The following MARCHF3 variants were observed in gnomAD, a reference collection of about 807,000 sequenced individuals.
MARCHF3 encodes E3 ubiquitin-protein ligase MARCHF3.
In MARCHF3, 13 loss-of-function variants were observed where a neutral mutation model predicts 24.2. The ratio of observed to expected loss-of-function variants is 0.54; its 90% confidence interval spans 0.35 to 0.85. The LOEUF is 0.85. Among genes scored for constraint, MARCHF3 ranks in the 40% least tolerant of loss-of-function variants. MARCHF3 has a pLI of 0.01. For synonymous variants in MARCHF3, 144 were observed against 137.3 expected (o/e 1.05, Z -0.34); for missense variants, 276 against 325.0 (o/e 0.85, Z 1.16).
intron 1 of MARCHF3, among the ~76,000 whole-genome samples, chr5:127,000,879 G>A (rs893949851): frequency 2.0e-5 from 3 of 151,916 alleles, no homozygotes; most frequent in Admixed American, 6.6e-5. Flanking sequence ...TGTTAGCCAG[G>A]ATGGTCTCGA....
At chr5:126,925,072 T>C (rs747821851) in intron 1 of MARCHF3, among the ~76,000 whole-genome samples, 3 of 152,198 alleles carry the variant, frequency 2.0e-5, no homozygotes, top group Admixed American at 6.5e-5. Context: ...CTTTTTGTTG[T>C]CTCATTATTT....
chr5:126,933,321 G>A (rs188992423), intron 1 of MARCHF3, among the ~76,000 whole-genome samples: 5 of 152,202 alleles, frequency 3.3e-5, no homozygotes, highest in Non-Finnish European at 5.9e-5. Flanking sequence ...AACAAAGCAT[G>A]CTGATGTCTC....
chr5:126,945,974 T>C (rs1378627434), intron 1 of MARCHF3, among the ~76,000 whole-genome samples: 1 of 152,176 alleles, frequency 6.6e-6, no homozygotes, highest in Non-Finnish European at 1.5e-5. Context: ...TGCAGCCCTT[T>C]CCTGCCTTAA....
chr5:126,943,583 CAA>C (rs563692073), intron 1 of MARCHF3, among the ~76,000 whole-genome samples: 5 of 124,880 alleles, frequency 4.0e-5, no homozygotes, highest in Non-Finnish European at 5.2e-5. Context: ...ATCTCATCTC[CAA>C]AAAAAAAAAA....
At chr5:127,020,963 T>TG (rs912215027) in intron 1 of MARCHF3, among the ~76,000 whole-genome samples, 2 of 152,202 alleles carry the variant, frequency 1.3e-5, no homozygotes, top group Non-Finnish European at 2.9e-5. Flanking sequence ...GCACCATCTG[T>TG]GGGGAAGAAG....
chr5:126,958,048 G>A (rs1220988882), intron 1 of MARCHF3, among the ~76,000 whole-genome samples: 2 of 151,888 alleles, frequency 1.3e-5, no homozygotes, highest in African/African-American at 2.4e-5. Context: ...GCCCATACAC[G>A]GGAAAGCTAT....
chr5:126,969,366 T>G (rs1750922431), intron 1 of MARCHF3, among the ~76,000 whole-genome samples: 1 of 152,210 alleles, frequency 6.6e-6, no homozygotes, highest in Non-Finnish European at 1.5e-5. Context: ...AGAGAGCTGA[T>G]TCTGGAAAGG....
chr5:126,890,556 C>A (rs377327498), intron 3 of MARCHF3, among the ~76,000 whole-genome samples: 85 of 151,146 alleles, frequency 5.6e-4, no homozygotes, highest in African/African-American at 1.9e-3. Flanking sequence ...TTTGTTCTTG[C>A]GATAGTTTAC....
chr5:126,883,149 A>T (rs1464151830), intron 3 of MARCHF3, among the ~76,000 whole-genome samples: 1 of 152,198 alleles, frequency 6.6e-6, no homozygotes, highest in East Asian at 1.9e-4. Context: ...TTGCAGCTCA[A>T]ATGCCATTCT....
chr5:126,925,999 G>C (rs985564935), intron 1 of MARCHF3, among the ~76,000 whole-genome samples: 16 of 152,118 alleles, frequency 1.1e-4, no homozygotes, highest in African/African-American at 3.9e-4. Flanking sequence ...TGTGTTCTAA[G>C]GACTGAAGGC....
chr5:126,920,820 C>G lies in MARCHF3; in HGVS notation c.-56-2593G>C, dbSNP rs920520085. On this transcript the variant is annotated intron_variant, in intron 1 of 4. Coordinates refer to ENST00000308660, the MANE Select transcript of MARCHF3 (RefSeq NM_178450.5). ...AATGTCCTTAAAAATATTCTAGAAG[C>G]AGAGCTTCCCTTAAATTCATTTTAT... 3.3e-5 allele frequency among the ~76,000 whole-genome samples: 5 copies of G among 152,184 alleles called. 1 individual carries two copies. Among genetic ancestry groups the G allele is most frequent in the Admixed American group, 3.3e-4 (5 of 15,274 alleles).
intron 1 of MARCHF3, among the ~76,000 whole-genome samples, chr5:126,976,962 G>A (rs1044675242): frequency 6.6e-6 from 1 of 152,230 alleles, no homozygotes; most frequent in Non-Finnish European, 1.5e-5. Context: ...TGAAGAGAAA[G>A]GAAGGTCTAT....
intron 3 of MARCHF3, among the ~76,000 whole-genome samples, chr5:126,907,633 G>A (rs1754348479): frequency 1.3e-5 from 2 of 148,730 alleles, no homozygotes; most frequent in Admixed American, 6.7e-5. Flanking sequence ...TCAGAGACTA[G>A]GATTGCAACC....
chr5:126,918,031 C>T lies in MARCHF3; in HGVS notation c.141G>A (p.Lys47=), dbSNP rs777016139. 4.3e-6 allele frequency: 7 copies of T among 1,614,034 alleles called. No homozygotes were observed. In the South Asian group the frequency reaches 5.5e-5, roughly 13 times the overall value. The change falls in exon 2 of 5, where the codon AAG becomes AAA. Residue 47 remains lysine (K), a synonymous_variant. Coordinates refer to ENST00000308660, the MANE Select transcript of MARCHF3 (RefSeq NM_178450.5). ...CTACTGTTGACAGCAGCTGCCCGTC[C>T]TTGGCTGAAACTTGCATGACATACT... ...QPQYVMQVSA[K]DGQLLSTVVR...
intron 1 of MARCHF3, among the ~76,000 whole-genome samples, chr5:126,973,828 T>C (rs1216858572): frequency 4.0e-5 from 6 of 151,730 alleles, no homozygotes; most frequent in Admixed American, 3.9e-4. Flanking sequence ...AGTTGGAGAC[T>C]GAAGGATCTG....
At chr5:126,950,854 T>C (rs1178642153) in intron 1 of MARCHF3, among the ~76,000 whole-genome samples, 1 of 152,210 alleles carries the variant, frequency 6.6e-6, no homozygotes, top group African/African-American at 2.4e-5. Context: ...TCCTATTACC[T>C]TTTTCAGCTT....
chr5:126,967,312 TA>T (rs904544615), intron 1 of MARCHF3, among the ~76,000 whole-genome samples: 3 of 152,152 alleles, frequency 2.0e-5, no homozygotes, highest in African/African-American at 7.2e-5. Context: ...GCGATTCTTG[TA>T]AAAATATGTG....
At chr5:126,922,448 TTTA>T (rs1335082283) in intron 1 of MARCHF3, among the ~76,000 whole-genome samples, 2 of 152,204 alleles carry the variant, frequency 1.3e-5, no homozygotes, top group Admixed American at 6.5e-5. Flanking sequence ...AAGTTTGAAC[TTTA>T]TTATTATGTT....
chr5:127,010,496 C>A (rs1752439165), intron 1 of MARCHF3, among the ~76,000 whole-genome samples: 1 of 152,110 alleles, frequency 6.6e-6, no homozygotes, highest in Non-Finnish European at 1.5e-5. Context: ...AGTGGCACAT[C>A]CAGGCCCAAC....
Sources: gnomAD v4.1 joint callset for allele counts (sites outside exome capture counted in the v4.1 genomes callset) on GRCh38, gnomAD v4.1.1 for gene constraint, MANE v1.5 for transcripts, NCBI Gene and HGNC (gene_info 2026-07-23, HGNC 2026-07-21) for gene names.